Variants in PTPRZ1 observed in about 807,000 individuals in gnomAD.
PTPRZ1 encodes protein tyrosine phosphatase receptor type Z1.
Under a neutral mutation model 214.1 loss-of-function variants are expected in PTPRZ1, and 82 were observed. The observed-to-expected ratio is 0.38, with a 90% CI of 0.32 to 0.46. PTPRZ1 has a LOEUF of 0.46. Among genes scored for constraint, PTPRZ1 ranks in the 20% least tolerant of loss-of-function variants. The pLI is 1.00. For synonymous variants in PTPRZ1, 945 were observed against 987.9 expected (o/e 0.96, Z 0.81); for missense variants, 2,603 against 2,748.7 (o/e 0.95, Z 1.19).
chr7:122,023,485 T>C (rs1206386), intron 13 of PTPRZ1, among the ~76,000 whole-genome samples: 1 of 123,114 alleles, frequency 8.1e-6, no homozygotes, highest in Non-Finnish European at 1.6e-5. Flanking sequence ...ATATATAATT[T>C]TATATATAAT....
intron 1 of PTPRZ1, among the ~76,000 whole-genome samples, chr7:121,915,524 T>G (rs1795399566): frequency 6.6e-6 from 1 of 152,202 alleles, no homozygotes; most frequent in African/African-American, 2.4e-5. Context: ...TAAAATAAAT[T>G]GTATTTCAGC....
chr7:122,036,135 T>G (rs1325442991), intron 17 of PTPRZ1, among the ~76,000 whole-genome samples: 1 of 152,196 alleles, frequency 6.6e-6, no homozygotes, highest in Non-Finnish European at 1.5e-5. Flanking sequence ...CTATCTCTTC[T>G]TCCTTCATCA....
At chr7:121,901,784 C>T (rs972821544) in intron 1 of PTPRZ1, among the ~76,000 whole-genome samples, 37 of 152,230 alleles carry the variant, frequency 2.4e-4, no homozygotes, top group South Asian at 1.2e-3. Flanking sequence ...TACGTATATA[C>T]GTTGTATAAT....
At position 121,928,338 on chromosome 7, in the gene PTPRZ1, A is replaced by G. The variant is rs1025846463; in HGVS notation, c.124+117A>G. The G allele has an allele frequency of 1.9e-5, 12 of 641,528 alleles. No individual in the cohort carries two copies. The African/African-American group carries it at 2.2e-4, about 12-fold the overall frequency. 39.7% of individuals were successfully genotyped at this position (641,528 alleles called of 1,614,324 possible). On this transcript the variant is annotated intron_variant, in intron 2 of 29. Coordinates refer to ENST00000393386, the MANE Select transcript of PTPRZ1 (RefSeq NM_002851.3). ...ACATCATGTCAACTTAGCTAAATGG[A>G]TAGTTAGATTAATTAATAGATATAT... is the stretch of plus-strand genomic sequence containing the variant.
intron 2 of PTPRZ1, among the ~76,000 whole-genome samples, chr7:121,934,579 A>C (rs1458183504): frequency 6.6e-6 from 1 of 151,624 alleles, no homozygotes; most frequent in Non-Finnish European, 1.5e-5. Context: ...TTGTGTGCAG[A>C]TCAAATAGAT....
chr7:122,010,772 AGTT>A lies in PTPRZ1; in HGVS notation c.1727_1729del (p.Ser576_Phe577delinsIle). ...ATATGAGGAGGAGAGTTTATTGACC[AGTT>A]TCAAGCTTGATACTGGAGCTGAAGA... On this transcript the variant is annotated inframe_deletion, in exon 12 of 30. Transcript: ENST00000393386. 1 of 1,614,024 alleles carries A rather than the reference AGTT, an allele frequency of 6.2e-7. No homozygotes were observed. Among genetic ancestry groups the A allele is most frequent in the Non-Finnish European group, 8.5e-7 (1 of 1,179,956 alleles).
chr7:121,984,952 A>T (rs1797721629), intron 8 of PTPRZ1, among the ~76,000 whole-genome samples: 1 of 152,166 alleles, frequency 6.6e-6, no homozygotes, highest in African/African-American at 2.4e-5. Context: ...TAACCTTTCC[A>T]AGTAGATGGA....
At position 122,013,772 on chromosome 7, in the gene PTPRZ1, A is replaced by G. The variant is rs1183028848; in HGVS notation, c.4726A>G (p.Lys1576Glu). The change falls in exon 12 of 30, where the codon AAA becomes GAA. Residue 1576 changes from lysine (K) to glutamate (E), a missense_variant. By Grantham distance (56) the Lys-to-Glu change is moderately conservative. Coordinates refer to ENST00000393386, the MANE Select transcript of PTPRZ1 (RefSeq NM_002851.3). ...TTTCAGTTTTGCAGACACTAATGAA[A>G]AAGATGCTGATGGGATCCTGGCAGC... ...TDFSFADTNE[K>E]DADGILAAGD... 3 of 1,614,054 alleles carry G rather than the reference A, an allele frequency of 1.9e-6. No individual in the cohort carries two copies. The African/African-American group carries it at 4.0e-5, about 22-fold the overall frequency.
In PTPRZ1 at chr7:122,010,985, T is replaced by G. The variant is rs1158756315; in HGVS notation, c.1939T>G (p.Ser647Ala). ...SGSEESLKDP[S>A]MEGNVWFPSS... ...TTCAGAAGAATCACTAAAGGATCCT[T>G]CTATGGAGGGAAATGTGTGGTTTCC... Residue 647 changes from serine to alanine, a missense_variant, in exon 12 of 30, where the codon TCT (serine) becomes GCT (alanine). Around this residue, in one of 6 missense-constraint regions of PTPRZ1, gnomAD observed 1,913 missense variants for 1,914.3 expected, o/e 1.00. Coordinates refer to ENST00000393386, the MANE Select transcript of PTPRZ1 (RefSeq NM_002851.3). The G allele has an allele frequency of 1.2e-6, 2 of 1,614,100 alleles. No homozygotes were observed. The highest frequency in any genetic ancestry group is 2.7e-5 in the African/African-American group (2 of 75,028).
rs1797413985 is a variant in PTPRZ1, at chr7:121,975,874, A to T, written c.457-299A>T. On this transcript the variant is annotated intron_variant, in intron 4 of 29. Transcript: ENST00000393386. Reference sequence around the variant, plus strand: ...GGCATGCACTCTTGAGAAAGACAGAAAATTATATTTAAAATAATTCCATAA... The same window carrying T: ...GGCATGCACTCTTGAGAAAGACAGATAATTATATTTAAAATAATTCCATAA... 2.0e-5 allele frequency among the ~76,000 whole-genome samples: 3 copies of T among 152,152 alleles called. No individual in the cohort carries two copies. The South Asian group carries it at 6.2e-4, about 32-fold the overall frequency.
intron 17 of PTPRZ1, among the ~76,000 whole-genome samples, chr7:122,035,042 T>C (rs1315617264): frequency 1.3e-5 from 2 of 152,110 alleles, no homozygotes; most frequent in Non-Finnish European, 2.9e-5. Flanking sequence ...CCCCTTCATC[T>C]CCTAAAATTC....
At chr7:121,901,820 C>A (rs1165490940) in intron 1 of PTPRZ1, among the ~76,000 whole-genome samples, 1 of 151,966 alleles carries the variant, frequency 6.6e-6, no homozygotes, top group Non-Finnish European at 1.5e-5. Context: ...CTTAGCATAC[C>A]CACCACCTCA....
chr7:121,997,207 G>A (rs1398393388), intron 9 of PTPRZ1, among the ~76,000 whole-genome samples: 2 of 152,138 alleles, frequency 1.3e-5, no homozygotes, highest in Non-Finnish European at 2.9e-5. Context: ...TCATCTGGAT[G>A]TAGGTCCAGA....
chr7:121,914,689 T>C (rs887602328), intron 1 of PTPRZ1, among the ~76,000 whole-genome samples: 1 of 152,148 alleles, frequency 6.6e-6, no homozygotes, highest in Non-Finnish European at 1.5e-5. Flanking sequence ...AAGACCAAAA[T>C]TGTAAAAAAT....
chr7:121,956,622 A>G (rs1034559142), intron 2 of PTPRZ1, among the ~76,000 whole-genome samples: 6 of 152,268 alleles, frequency 3.9e-5, no homozygotes, highest in Non-Finnish European at 7.3e-5. Context: ...GCACCACTGG[A>G]AAGTCCAGAT....
At chr7:122,052,572 G>C (rs1181166152) in intron 25 of PTPRZ1, among the ~76,000 whole-genome samples, 1 of 152,138 alleles carries the variant, frequency 6.6e-6, no homozygotes, top group East Asian at 1.9e-4. Context: ...TATCTATGCA[G>C]GAAACACAGG....
intron 12 of PTPRZ1, among the ~76,000 whole-genome samples, chr7:122,018,124 A>T (rs1798901177): frequency 6.6e-6 from 1 of 152,126 alleles, no homozygotes; most frequent in East Asian, 1.9e-4. Flanking sequence ...TTGATGGGAA[A>T]CTCAAATGTG....
At chr7:121,946,687 A>G (rs1487816751) in intron 2 of PTPRZ1, among the ~76,000 whole-genome samples, 1 of 152,218 alleles carries the variant, frequency 6.6e-6, no homozygotes, top group Admixed American at 6.5e-5. Context: ...ATTACAAGAC[A>G]GAGAATAATA....
chr7:122,013,109 G>C lies in PTPRZ1; in HGVS notation c.4063G>C (p.Val1355Leu). The C allele has an allele frequency of 6.2e-7, 1 of 1,613,952 alleles. No individual in the cohort carries two copies. The highest frequency in any genetic ancestry group is 8.5e-7 in the Non-Finnish European group (1 of 1,179,840). ...TGKVFAGIPT[V>L]ASDTFVSTDH... is the part of the protein sequence containing the mutation. The stretch of plus-strand genomic sequence containing the variant: ...TAAGGTATTTGCTGGTATTCCAACA[G>C]TTGCTTCTGATACATTTGTATCTAC... The change falls in exon 12 of 30, where the codon GTT (valine) becomes CTT (leucine). Residue 1355 changes from valine (V) to leucine (L), a missense_variant. Coordinates refer to ENST00000393386, the MANE Select transcript of PTPRZ1 (RefSeq NM_002851.3).
Sources: gnomAD v4.1 joint callset for allele counts (sites outside exome capture counted in the v4.1 genomes callset) on GRCh38, gnomAD v4.1.1 for gene constraint, gnomAD v4.1.1 regional missense constraint, MANE v1.5 for transcripts, NCBI Gene and HGNC (gene_info 2026-07-23, HGNC 2026-07-21) for gene names.